MUC17: variants seen among roughly 807,000 people sequenced by gnomAD.
MUC17 encodes mucin-17.
Under a neutral mutation model 170.3 loss-of-function variants are expected in MUC17, and 190 were observed. That is an observed-to-expected ratio of 1.12 (90% confidence interval 0.99 to 1.26). MUC17 has a LOEUF of 1.26. MUC17 is among the 50% of genes most tolerant of loss of function. MUC17 has a pLI of 0.00. For missense variants in MUC17, 6,415 were observed against 5,530.0 expected, an observed-to-expected ratio of 1.16 and a Z score of -5.08; for synonymous variants, 2,325 against 2,002.5, an observed-to-expected ratio of 1.16 and a Z score of -4.30.
In MUC17 at chr7:101,032,134, C is replaced by A. The variant is rs748941063; in HGVS notation, c.718C>A (p.Pro240Thr). 1.9e-6 allele frequency: 3 copies of A among 1,613,542 alleles called. No individual in the cohort carries two copies. Among genetic ancestry groups the A allele is most frequent in the Admixed American group, 3.3e-5 (2 of 59,936 alleles). Residue 240 changes from proline to threonine, a missense_variant, in exon 3 of 13, where the codon CCT becomes ACT. Pro to Thr is a conservative substitution (Grantham distance 38, BLOSUM62 -1). Coordinates refer to ENST00000306151, the MANE Select transcript of MUC17 (RefSeq NM_001040105.2). ...AGAGGCTATCACCCTTTTGACAACTCCTGTTGAAATCAGCACACCTGTGAC... is the reference window on the plus strand; with the variant it reads ...AGAGGCTATCACCCTTTTGACAACTACTGTTGAAATCAGCACACCTGTGAC... ...SSEAITLLTT[P>T]VEISTPVTIS...
In MUC17 at chr7:101,035,741, G is replaced by C; in HGVS notation, c.4325G>C (p.Gly1442Ala). Residue 1442 changes from glycine to alanine, a missense_variant, in exon 3 of 13, where the codon GGT (glycine) becomes GCT (alanine). By Grantham distance (60) the Gly-to-Ala change is moderately conservative. Coordinates refer to ENST00000306151, the MANE Select transcript of MUC17 (RefSeq NM_001040105.2). ...ACTTCATCTCCTACAACTGCTGAAG[G>C]TATCAGCATACCAACCTCAACTCCT... ...EATSSPTTAE[G>A]ISIPTSTPSE... The C allele has an allele frequency of 3.7e-6, 6 of 1,610,854 alleles. No individual in the cohort carries two copies. The highest frequency in any genetic ancestry group is 5.1e-6 in the Non-Finnish European group (6 of 1,178,142).
intron 1 of MUC17, among the ~76,000 whole-genome samples, chr7:101,028,216 G>A (rs1330165689): frequency 2.7e-5 from 4 of 149,630 alleles, no homozygotes; most frequent in Admixed American, 2.0e-4. Flanking sequence ...TCAGCCTCCC[G>A]AGTAGCTGGG....
chr7:101,037,174 A>T lies in MUC17; in HGVS notation c.5758A>T (p.Thr1920Ser), dbSNP rs982399806. 1.2e-6 allele frequency: 2 copies of T among 1,612,078 alleles called. No individual in the cohort carries two copies. The highest frequency in any genetic ancestry group is 1.3e-5 in the African/African-American group (1 of 74,658). Residue 1920 changes from threonine to serine, a missense_variant, in exon 3 of 13, where the codon ACT becomes TCT. Coordinates refer to ENST00000306151, the MANE Select transcript of MUC17 (RefSeq NM_001040105.2). ...TGACGGTAGCAGCATGCCAACCTCA[A>T]CTCCTAGGGAAGGAAGGCCTCCATT... The part of the protein sequence containing the change: ...TADGSSMPTS[T>S]PREGRPPLTS...
At position 101,051,596 on chromosome 7, in the gene MUC17, A is replaced by T; in HGVS notation, c.12875-17A>T. 6.2e-7 allele frequency: 1 copy of T among 1,612,506 alleles called. No homozygotes were observed. The highest frequency in any genetic ancestry group is 1.1e-5 in the South Asian group (1 of 90,904). ...GCGTGTATGTGTCGTGAGGGGTTTT[A>T]TGTGTCTCTTTCACAGACATGATGT... On this transcript the variant is annotated splice_polypyrimidine_tract_variant and intron_variant, in intron 7 of 12. Transcript: ENST00000306151.
In MUC17 at chr7:101,058,179, CA is replaced by C; in HGVS notation, c.*137del. ...TACAGGAAACAAGCCCTGTACTTAC[CA>C]AGGAGAAAGAGGAGAGACAGCAGTG... is the stretch of plus-strand genomic sequence containing the variant. On this transcript the variant is annotated 3_prime_UTR_variant, in exon 13 of 13. Coordinates refer to ENST00000306151, the MANE Select transcript of MUC17 (RefSeq NM_001040105.2). 1.4e-6 allele frequency: 1 copy of C among 706,000 alleles called. No homozygotes were observed. The allele number at this position is 706,000 out of a possible 1,614,324, so 43.7% of individuals were successfully genotyped here. A position where few individuals can be genotyped will look rare whatever the true frequency, so the allele number is the denominator to read the frequency against.
In MUC17 at chr7:101,037,498, A is replaced by T. The variant is rs1371925220; in HGVS notation, c.6082A>T (p.Thr2028Ser). 6.2e-7 allele frequency: 1 copy of T among 1,612,906 alleles called. No individual in the cohort carries two copies. Among genetic ancestry groups the T allele is most frequent in the Admixed American group, 1.7e-5 (1 of 59,912 alleles). ...TSTEGSSSPT[T>S]AGGTSIQTST... The stretch of plus-strand genomic sequence containing the variant: ...TACTGAAGGCAGTTCATCTCCTACA[A>T]CTGCAGGAGGTACCAGCATACAAAC... Residue 2028 changes from threonine (T) to serine (S), a missense_variant, in exon 3 of 13, where the codon ACT becomes TCT. Thr to Ser is a moderately conservative substitution (Grantham distance 58). Transcript: ENST00000306151.
chr7:101,056,738 A>G (rs540417857), intron 12 of MUC17, among the ~76,000 whole-genome samples: 1 of 152,332 alleles, frequency 6.6e-6, no homozygotes, highest in South Asian at 2.1e-4. Context: ...TAACCATTTC[A>G]GCACACACTT....
chr7:101,046,871 A>T (rs753711184), intron 3 of MUC17, among the ~76,000 whole-genome samples: 3 of 152,012 alleles, frequency 2.0e-5, no homozygotes, highest in Non-Finnish European at 4.4e-5. Flanking sequence ...CAAGGTCAGG[A>T]GATCAAGACC....
Position 101,036,214 on chromosome 7 carries a change from T to C in MUC17, c.4798T>C (p.Ser1600Pro). 6.2e-7 allele frequency: 1 copy of C among 1,613,362 alleles called. No individual in the cohort carries two copies. Among genetic ancestry groups the C allele is most frequent in the Non-Finnish European group, 8.5e-7 (1 of 1,179,866 alleles). Residue 1600 changes from serine to proline, a missense_variant, in exon 3 of 13, where the codon TCC (serine) becomes CCC (proline). By Grantham distance (74) the Ser-to-Pro change is moderately conservative. Coordinates refer to ENST00000306151, the MANE Select transcript of MUC17 (RefSeq NM_001040105.2). ...CACCCTTTCAACAACCCCTATTGACTCCAAAACTCAGGTGACCGCTTCTAC... is the reference window on the plus strand; with the variant it reads ...CACCCTTTCAACAACCCCTATTGACCCCAAAACTCAGGTGACCGCTTCTAC... ...ANTLSTTPID[S>P]KTQVTASTEA...
Position 101,037,479 on chromosome 7 carries a change from A to G in MUC17, c.6063A>G (p.Glu2021=). The G allele has an allele frequency of 1.2e-6, 2 of 1,612,718 alleles. No homozygotes were observed. Among genetic ancestry groups the G allele is most frequent in the South Asian group, 2.2e-5 (2 of 90,886 alleles). Reference sequence around the variant, plus strand: ...GCACTCCTGCCACCACTTCTACTGAAGGCAGTTCATCTCCTACAACTGCAG... The same window carrying G: ...GCACTCCTGCCACCACTTCTACTGAGGGCAGTTCATCTCCTACAACTGCAG... The part of the protein sequence containing the change: ...DTSTPATTST[E]GSSSPTTAGG... Residue 2021 remains glutamate (E), a synonymous_variant, in exon 3 of 13, where the codon GAA becomes GAG. Coordinates refer to ENST00000306151, the MANE Select transcript of MUC17 (RefSeq NM_001040105.2).
Position 101,035,875 on chromosome 7 carries a change from G to T in MUC17, c.4459G>T (p.Val1487Phe). 6.3e-7 allele frequency: 1 copy of T among 1,596,558 alleles called. No individual in the cohort carries two copies. The highest frequency in any genetic ancestry group is 8.5e-7 in the Non-Finnish European group (1 of 1,170,444). ...TCCTGTTGACTCTAACAGTCCTGTG[G>T]TCACTTCTACAGCAGTCAGTTCATC... ...TTPVDSNSPV[V>F]TSTAVSSSPT... Residue 1487 changes from valine to phenylalanine, a missense_variant, in exon 3 of 13, where the codon GTC (valine) becomes TTC (phenylalanine). Val to Phe is a conservative substitution (Grantham distance 50). Coordinates refer to ENST00000306151, the MANE Select transcript of MUC17 (RefSeq NM_001040105.2).
At position 101,034,524 on chromosome 7, in the gene MUC17, T is replaced by G. The variant is rs2116417953; in HGVS notation, c.3108T>G (p.Thr1036=). 6.2e-7 allele frequency: 1 copy of G among 1,613,574 alleles called. No homozygotes were observed. The highest frequency in any genetic ancestry group is 2.2e-5 in the East Asian group (1 of 44,834). ...AAGGTACCAGCATGCCAACCTCAAC[T>G]CCTAGTGAAGGAAGCACTCCATTAA... is the stretch of plus-strand genomic sequence containing the variant. ...TAEGTSMPTS[T]PSEGSTPLTR... The change falls in exon 3 of 13, where the codon ACT becomes ACG. Residue 1036 remains threonine (T), a synonymous_variant. Coordinates refer to ENST00000306151, the MANE Select transcript of MUC17 (RefSeq NM_001040105.2).
intron 9 of MUC17, 81 bp from the exon 10 acceptor site, chr7:101,052,905 A>G: frequency 6.7e-7 from 1 of 1,499,736 alleles, no homozygotes; most frequent in Non-Finnish European, 9.0e-7. Context: ...TTCATTAAAC[A>G]CCCACTGGGC....
chr7:101,021,251 T>C (rs190850529), intron 1 of MUC17, among the ~76,000 whole-genome samples: 113 of 148,392 alleles, frequency 7.6e-4, no homozygotes, highest in Middle Eastern at 3.6e-3. Context: ...TGTAGCGTGA[T>C]GTCAGCCCAC....
chr7:101,037,481 G>A lies in MUC17; in HGVS notation c.6065G>A (p.Gly2022Asp), dbSNP rs768768969. 10 of 1,601,816 alleles carry A rather than the reference G, an allele frequency of 6.2e-6. No individual in the cohort carries two copies. Among genetic ancestry groups the A allele is most frequent in the Non-Finnish European group, 7.7e-6 (9 of 1,174,752 alleles). ...ACTCCTGCCACCACTTCTACTGAAG[G>A]CAGTTCATCTCCTACAACTGCAGGA... ...TSTPATTSTE[G>D]SSSPTTAGGT... Residue 2022 changes from glycine (G) to aspartate (D), a missense_variant, in exon 3 of 13, where the codon GGC becomes GAC. Physicochemically the swap from Gly to Asp is moderately conservative, Grantham distance 94. Coordinates refer to ENST00000306151, the MANE Select transcript of MUC17 (RefSeq NM_001040105.2).
At chr7:101,021,681 C>T (rs1307973071) in intron 1 of MUC17, among the ~76,000 whole-genome samples, 1 of 152,122 alleles carries the variant, frequency 6.6e-6, no homozygotes, top group African/African-American at 2.4e-5. Flanking sequence ...CTTCTCAGAC[C>T]CTGTTCCTAC....
chr7:101,033,139 A>T lies in MUC17; in HGVS notation c.1723A>T (p.Met575Leu). Residue 575 changes from methionine to leucine, a missense_variant, in exon 3 of 13, where the codon ATG becomes TTG. By Grantham distance (15) the Met-to-Leu change is conservative. Transcript: ENST00000306151. The part of the protein sequence containing the change: ...PSEGSTPLTN[M>L]PVSTRLVVSS... ...TGAAGGAAGCACTCCATTAACAAAC[A>T]TGCCTGTCAGCACCAGGCTGGTGGT... is the stretch of plus-strand genomic sequence containing the variant. 6.2e-7 allele frequency: 1 copy of T among 1,612,034 alleles called. No individual in the cohort carries two copies. The highest frequency in any genetic ancestry group is 8.5e-7 in the Non-Finnish European group (1 of 1,178,714).
chr7:101,035,019 T>C lies in MUC17; in HGVS notation c.3603T>C (p.Pro1201=). The change falls in exon 3 of 13, where the codon CCT becomes CCC. Residue 1201 remains proline, a synonymous_variant. Coordinates refer to ENST00000306151, the MANE Select transcript of MUC17 (RefSeq NM_001040105.2). ...VATSTEASSP[P]PTAEVTSMPT... is the part of the protein sequence containing the mutation. ...CTTCTACTGAAGCCAGTTCACCTCC[T>C]CCAACTGCTGAAGTTACCAGCATGC... is the stretch of plus-strand genomic sequence containing the variant. 2 of 1,614,074 alleles carry C rather than the reference T, an allele frequency of 1.2e-6. No homozygotes were observed. The highest frequency in any genetic ancestry group is 1.7e-6 in the Non-Finnish European group (2 of 1,180,008).
chr7:101,050,739 T>G, intron 7 of MUC17, 104 bp downstream of exon 7: 1 of 1,464,844 alleles, frequency 6.8e-7, no homozygotes, highest in Non-Finnish European at 9.1e-7. Context: ...AATGGGTGGG[T>G]GCAAGAATCA....
Sources: allele counts gnomAD v4.1 joint callset (sites outside exome capture counted in the v4.1 genomes callset), GRCh38; gene constraint gnomAD v4.1.1; transcripts MANE v1.5; gene names NCBI Gene and HGNC (gene_info 2026-07-23, HGNC 2026-07-21).